Variants in FBXW11 observed in about 807,000 individuals in gnomAD.
FBXW11 encodes the protein F-box and WD repeat domain containing 11.
Under a neutral mutation model 77.6 loss-of-function variants are expected in FBXW11, and 19 were observed. The ratio of observed to expected loss-of-function variants is 0.24; its 90% CI spans 0.17 to 0.36. The LOEUF is 0.36. FBXW11 is among the 10% of genes least tolerant of loss of function. The pLI is 1.00. For synonymous variants in FBXW11, 235 were observed against 249.4 expected, an observed-to-expected ratio of 0.94 and a Z score of 0.54; for missense variants, 334 against 704.2, an observed-to-expected ratio of 0.47 and a Z score of 5.95.
chr5:172,003,166 A>T (rs773404980), intron 1 of FBXW11: 1 of 152,192 alleles, frequency 6.6e-6, no homozygotes, highest in Non-Finnish European at 1.5e-5. Context: ...TAAAGGGAAG[A>T]GGGGATTCAC....
chr5:171,991,734 C>G (rs1430826358), intron 1 of FBXW11, among the ~76,000 whole-genome samples: 1 of 152,122 alleles, frequency 6.6e-6, no homozygotes, highest in East Asian at 1.9e-4. Context: ...CAAACTATTA[C>G]AGTAGAAGAG....
At chr5:171,971,164 G>A (rs1764509221) in intron 1 of FBXW11, among the ~76,000 whole-genome samples, 1 of 152,172 alleles carries the variant, frequency 6.6e-6, no homozygotes, top group Non-Finnish European at 1.5e-5. Flanking sequence ...TGTGCTGTCA[G>A]TACACACCAC....
chr5:171,987,813 CTGTT>C (rs1239876250), intron 1 of FBXW11, among the ~76,000 whole-genome samples: 1 of 152,128 alleles, frequency 6.6e-6, no homozygotes, highest in Non-Finnish European at 1.5e-5. Context: ...TCCTACAACA[CTGTT>C]TGTCTACTTC....
intron 1 of FBXW11, among the ~76,000 whole-genome samples, chr5:171,996,081 A>T (rs1766028663): frequency 6.6e-6 from 1 of 152,152 alleles, no homozygotes; most frequent in African/African-American, 2.4e-5. Context: ...AATATATGTA[A>T]AGTGCATACA....
At chr5:171,880,492 T>C (rs543646037) in intron 7 of FBXW11, among the ~76,000 whole-genome samples, 16 of 152,318 alleles carry the variant, frequency 1.1e-4, no homozygotes, top group Non-Finnish European at 2.2e-4. Context: ...TGATTGAGAC[T>C]GCATTGAACC....
chr5:171,936,978 G>A (rs181957667), intron 2 of FBXW11, among the ~76,000 whole-genome samples: 27 of 152,284 alleles, frequency 1.8e-4, no homozygotes, highest in African/African-American at 6.3e-4. Context: ...TAGAGCTTCT[G>A]GCCCATTTGT....
chr5:172,003,740 TCTG>T (rs1766559329), intron 1 of FBXW11, among the ~76,000 whole-genome samples: 1 of 152,220 alleles, frequency 6.6e-6, no homozygotes, highest in African/African-American at 2.4e-5. Flanking sequence ...ATTTAACTAT[TCTG>T]CTATCACCAG....
chr5:171,994,829 G>A (rs892641909), intron 1 of FBXW11, among the ~76,000 whole-genome samples: 13 of 152,038 alleles, frequency 8.6e-5, no homozygotes, highest in Middle Eastern at 3.2e-3. Flanking sequence ...CTTGAGGCCC[G>A]GAGTTTGAGA....
intron 2 of FBXW11, among the ~76,000 whole-genome samples, chr5:171,940,709 G>A (rs1762706685): frequency 6.6e-6 from 1 of 152,112 alleles, no homozygotes; most frequent in Non-Finnish European, 1.5e-5. Context: ...CCAACACAGT[G>A]AAACCCCGTC....
chr5:171,979,690 TAA>T (rs772072375), intron 1 of FBXW11, among the ~76,000 whole-genome samples: 1 of 152,204 alleles, frequency 6.6e-6, no homozygotes, highest in Non-Finnish European at 1.5e-5. Flanking sequence ...AGTAAAACCC[TAA>T]GACTTGTTTG....
intron 2 of FBXW11, among the ~76,000 whole-genome samples, chr5:171,929,513 G>T (rs182826098): frequency 2.2e-4 from 34 of 152,272 alleles, no homozygotes; most frequent in Non-Finnish European, 4.4e-4. Flanking sequence ...GAATGTAGAT[G>T]GTATGACTGT....
intron 1 of FBXW11, among the ~76,000 whole-genome samples, chr5:171,991,221 C>A (rs577941321): frequency 6.6e-6 from 1 of 152,290 alleles, no homozygotes; most frequent in South Asian, 2.1e-4. Context: ...CTCTTCATGT[C>A]TCCATGCTTT....
intron 4 of FBXW11, among the ~76,000 whole-genome samples, chr5:171,901,411 AGAT>A (rs1760106299): frequency 6.6e-6 from 1 of 152,206 alleles, no homozygotes; most frequent in Non-Finnish European, 1.5e-5. Flanking sequence ...TATCAAAATG[AGAT>A]GATGCATGAA....
intron 1 of FBXW11, among the ~76,000 whole-genome samples, chr5:171,991,774 G>C (rs1460306213): frequency 6.6e-6 from 1 of 152,192 alleles, no homozygotes; most frequent in Non-Finnish European, 1.5e-5. Context: ...TTGCTGACTA[G>C]GAGTAAGTAA....
rs1760333069 is a variant in FBXW11, at chr5:171,904,318, A to G, written c.437-4218T>C. On this transcript the variant is annotated intron_variant, in intron 4 of 13. Transcript: ENST00000517395. This position sits in a 1 kb window ranked among gnomAD's most constrained non-coding sequence, Gnocchi z 4.0. ...TTTTTTTAAAAAAAATAAAAAATAA[A>G]AAGAATGCATTAGATACTCGCCTTT... Among the ~76,000 whole-genome samples, 1 of 152,052 alleles carries G rather than the reference A, an allele frequency of 6.6e-6. No homozygotes were observed.
chr5:171,986,292 C>G (rs1254608742), intron 1 of FBXW11, among the ~76,000 whole-genome samples: 1 of 151,644 alleles, frequency 6.6e-6, no homozygotes, highest in African/African-American at 2.4e-5. Context: ...CCTGTAGTTG[C>G]AGCTACTCAG....
At chr5:171,970,572 TACA>T (rs926297014) in intron 1 of FBXW11, among the ~76,000 whole-genome samples, 3 of 152,216 alleles carry the variant, frequency 2.0e-5, no homozygotes, top group African/African-American at 7.2e-5. Context: ...CTTGAATACA[TACA>T]ACATTTATTT....
At chr5:171,994,727 CCA>C (rs1765934944) in intron 1 of FBXW11, among the ~76,000 whole-genome samples, 1 of 152,174 alleles carries the variant, frequency 6.6e-6, no homozygotes, top group East Asian at 1.9e-4. Context: ...ACCACCACCA[CCA>C]GACTGTCCTG....
At chr5:171,865,185 C>T (rs1243269178) in intron 13 of FBXW11, among the ~76,000 whole-genome samples, 2 of 151,924 alleles carry the variant, frequency 1.3e-5, no homozygotes, top group African/African-American at 2.4e-5. Flanking sequence ...GAAGTGGACA[C>T]TCTCAAATGC....
Sources: allele counts gnomAD v4.1 joint callset (sites outside exome capture counted in the v4.1 genomes callset), GRCh38; gene constraint gnomAD v4.1.1; non-coding constraint Gnocchi (gnomAD v3.1); transcripts MANE v1.5; gene names NCBI Gene and HGNC (gene_info 2026-07-23, HGNC 2026-07-21).